TASP1: variants seen among roughly 807,000 people sequenced by gnomAD.
TASP1 encodes threonine aspartase 1.
In TASP1, 16 loss-of-function variants were observed where a neutral mutation model predicts 56.6. The observed-to-expected ratio is 0.28, with a 90% CI of 0.19 to 0.43. The LOEUF is 0.43. TASP1 is among the 20% of genes least tolerant of loss of function. TASP1 has a pLI of 1.00. For missense variants in TASP1, 393 were observed against 511.6 expected (o/e 0.77, Z 2.24); for synonymous variants, 179 against 184.2 (o/e 0.97, Z 0.23).
At chr20:13,133,551 A>G in the TASP1 span, among the ~76,000 whole-genome samples, 1 of 152,078 alleles carries the variant, frequency 6.6e-6, no homozygotes, top group African/African-American at 2.4e-5. Flanking sequence ...CTGGCCAACA[A>G]GGCAAAACCC....
chr20:13,275,999 G>A, the TASP1 span, among the ~76,000 whole-genome samples: 1 of 152,214 alleles, frequency 6.6e-6, no homozygotes, highest in East Asian at 1.9e-4. Flanking sequence ...AGCTGGGGTT[G>A]CCACCCTTGT....
At chr20:13,278,553 G>A in the TASP1 span, among the ~76,000 whole-genome samples, 6 of 152,188 alleles carry the variant, frequency 3.9e-5, no homozygotes, top group Non-Finnish European at 8.8e-5. Flanking sequence ...GGACAGCATG[G>A]GCTCTAGAAC....
chr20:13,167,960 T>G, the TASP1 span: 8 of 152,328 alleles, frequency 5.3e-5, no homozygotes, highest in African/African-American at 1.9e-4. Context: ...TAAGTGTATA[T>G]ATACTGGTAA....
intron 11 of TASP1, among the ~76,000 whole-genome samples, chr20:13,467,249 C>T (rs6042136): frequency 0.059 from 8,895 of 151,558 alleles, 371 homozygotes; most frequent in African/African-American, 0.12. Flanking sequence ...CTAAGGCACT[C>T]GCAAGTAACT....
intron 4 of TASP1, among the ~76,000 whole-genome samples, chr20:13,588,280 AGG>A (rs2047385601): frequency 4.3e-5 from 6 of 139,612 alleles, no homozygotes; most frequent in East Asian, 4.3e-4. Flanking sequence ...GAAGGAAGGA[AGG>A]AAGGAAGGAA....
intron 1 of TASP1, among the ~76,000 whole-genome samples, chr20:13,632,096 G>A (rs1453576464): frequency 2.0e-5 from 3 of 146,546 alleles, no homozygotes; most frequent in African/African-American, 7.6e-5. Flanking sequence ...CGGGCACAGT[G>A]ACTCACGCCT....
At chr20:13,520,590 A>T (rs1381812557) in intron 10 of TASP1, among the ~76,000 whole-genome samples, 2 of 152,198 alleles carry the variant, frequency 1.3e-5, no homozygotes, top group African/African-American at 2.4e-5. Context: ...CTGAAACTGG[A>T]TCCCTTCCTT....
intron 1 of TASP1, among the ~76,000 whole-genome samples, chr20:13,631,731 G>A (rs1424733388): frequency 6.6e-6 from 1 of 152,192 alleles, no homozygotes; most frequent in Non-Finnish European, 1.5e-5. Flanking sequence ...TGTCATCTGA[G>A]ATATTTTTTC....
chr20:13,214,560 C>CAG, the TASP1 span, among the ~76,000 whole-genome samples: 111 of 118,408 alleles, frequency 9.4e-4, no homozygotes, highest in African/African-American at 2.3e-3. Context: ...CACACACACA[C>CAG]ACAGAGAGAG....
chr20:13,491,782 T>C (rs2043538889), intron 10 of TASP1, among the ~76,000 whole-genome samples: 1 of 152,184 alleles, frequency 6.6e-6, no homozygotes, highest in Non-Finnish European at 1.5e-5. Flanking sequence ...TTCAATCTTT[T>C]TTGTCTTCAT....
rs191058657 is a variant in TASP1, at chr20:13,532,582, A to G, written c.795+1440T>C. 1.4e-4 allele frequency among the ~76,000 whole-genome samples: 22 copies of G among 152,306 alleles called. No homozygotes were observed. The East Asian group carries it at 3.1e-3, about 21-fold the overall frequency. On this transcript the variant is annotated intron_variant, in intron 9 of 13. Coordinates refer to ENST00000337743, the MANE Select transcript of TASP1 (RefSeq NM_017714.3). ...TTCACAAACTAGCCAAGTGAGGCAA[A>G]CCAACACATAAATTTTACGGAAGTA...
the TASP1 span, among the ~76,000 whole-genome samples, chr20:13,356,573 A>G: frequency 6.6e-6 from 1 of 152,322 alleles, no homozygotes; most frequent in African/African-American, 2.4e-5. Flanking sequence ...TGAGCTACCA[A>G]TCAGCCTCCT....
chr20:13,340,387 A>G, the TASP1 span, among the ~76,000 whole-genome samples: 466 of 152,256 alleles, frequency 3.1e-3, 2 homozygotes, highest in African/African-American at 0.011. Flanking sequence ...TATTTCAACG[A>G]CTACTGATTG....
intron 13 of TASP1, among the ~76,000 whole-genome samples, chr20:13,407,543 G>A (rs2041966829): frequency 6.6e-6 from 1 of 152,054 alleles, no homozygotes; most frequent in Non-Finnish European, 1.5e-5. Context: ...AAGTATCTAT[G>A]CACAAGTTTT....
the TASP1 span, among the ~76,000 whole-genome samples, chr20:13,311,524 G>A: frequency 6.6e-6 from 1 of 152,146 alleles, no homozygotes. Context: ...GCTGAGATAT[G>A]AAATCAACAT....
intron 4 of TASP1, among the ~76,000 whole-genome samples, chr20:13,599,105 T>A (rs1419837761): frequency 6.6e-6 from 1 of 152,202 alleles, no homozygotes; most frequent in Non-Finnish European, 1.5e-5. Flanking sequence ...TCAACCATTG[T>A]GGAAGACAAT....
the TASP1 span, among the ~76,000 whole-genome samples, chr20:13,315,682 C>G: frequency 2.0e-5 from 3 of 151,938 alleles, no homozygotes; most frequent in Non-Finnish European, 4.4e-5. Flanking sequence ...CTTCATCCAA[C>G]AACAGCAGAA....
chr20:13,583,346 T>C (rs2047190629), intron 5 of TASP1, among the ~76,000 whole-genome samples: 1 of 152,212 alleles, frequency 6.6e-6, no homozygotes, highest in Non-Finnish European at 1.5e-5. Context: ...CAGCAACTTC[T>C]CTGCCATACA....
At chr20:13,460,340 T>A (rs990896800) in intron 11 of TASP1, among the ~76,000 whole-genome samples, 1 of 152,184 alleles carries the variant, frequency 6.6e-6, no homozygotes. Flanking sequence ...CTCAATCTCA[T>A]TGCTGGTTCC....
Sources: allele counts gnomAD v4.1 joint callset (sites outside exome capture counted in the v4.1 genomes callset), GRCh38; gene constraint gnomAD v4.1.1; transcripts MANE v1.5; gene names NCBI Gene and HGNC (gene_info 2026-07-23, HGNC 2026-07-21).